Variants in ACR observed in about 807,000 individuals in gnomAD.
ACR encodes the protein acrosin light and heavy chain prepropeptide.
Under a neutral mutation model 26.0 loss-of-function variants are expected in ACR, and 17 were observed. The ratio of observed to expected loss-of-function variants is 0.65; its 90% CI spans 0.45 to 0.98. The LOEUF (loss-of-function observed/expected upper bound fraction) is 0.98, where lower values mean the gene tolerates loss of function less well. ACR is among the 50% of genes least tolerant of loss of function. ACR has a pLI of 0.00. For missense variants in ACR, 435 were observed against 519.3 expected (o/e 0.84, Z 1.58); for synonymous variants, 199 against 207.7 (o/e 0.96, Z 0.36).
At chr22:50,740,939 A>C (rs2083422432) in intron 3 of ACR, 1 of 509,934 alleles carries the variant, frequency 2.0e-6, no homozygotes, top group African/African-American at 1.9e-5. Context: ...TCCCAGAAGC[A>C]ACAGGTGACC....
chr22:50,739,745 G>A lies in ACR; in HGVS notation c.333G>A (p.Gly111=), dbSNP rs550289363. The change falls in exon 3 of 5, where the codon GGG becomes GGA. Residue 111 remains glycine (G), a synonymous_variant. Coordinates refer to ENST00000216139, the MANE Select transcript of ACR (RefSeq NM_001097.3). The surrounding 1 kb of genome is among the most constrained non-coding windows in gnomAD (Gnocchi z 5.5). ...LVFGAKEITY[G]NNKPVKAPLQ... is the part of the protein sequence containing the mutation. ...TCGGAGCAAAGGAAATTACATATGGGAACAATAAACCAGTAAAGGCGCCTC... is the reference window on the plus strand; with the variant it reads ...TCGGAGCAAAGGAAATTACATATGGAAACAATAAACCAGTAAAGGCGCCTC... The A allele has an allele frequency of 9.9e-5, 155 of 1,561,914 alleles. 1 individual carries two copies. In the South Asian group the frequency reaches 1.7e-3, roughly 17 times the overall value.
intron 3 of ACR, among the ~76,000 whole-genome samples, chr22:50,742,355 T>C (rs1603447629): frequency 6.6e-6 from 1 of 151,756 alleles, no homozygotes; most frequent in Non-Finnish European, 1.5e-5. Context: ...CCATCCTGGC[T>C]AACACGGTGA....
intron 3 of ACR, among the ~76,000 whole-genome samples, chr22:50,742,983 G>A (rs568766204): frequency 5.9e-5 from 9 of 152,224 alleles, no homozygotes; most frequent in Non-Finnish European, 1.2e-4. Context: ...TGGCGCATGC[G>A]CCGTAGCATC....
intron 3 of ACR, among the ~76,000 whole-genome samples, chr22:50,741,679 A>C (rs1255514133): frequency 6.6e-6 from 1 of 151,470 alleles, no homozygotes; most frequent in Non-Finnish European, 1.5e-5. Context: ...AGTCTTAAAG[A>C]AACCCCCAGG....
At chr22:50,740,782 A>C in intron 3 of ACR, 2 of 696,740 alleles carry the variant, frequency 2.9e-6, no homozygotes, top group Middle Eastern at 2.3e-4. Flanking sequence ...TGAGTTCTAG[A>C]AGAGTAGGGG....
intron 3 of ACR, among the ~76,000 whole-genome samples, chr22:50,742,450 A>G (rs6010069): frequency 0.19 from 29,255 of 150,958 alleles, 3,010 homozygotes; most frequent in African/African-American, 0.25. Context: ...AGGCTGAGGC[A>G]GGAGAATGGC....
intron 3 of ACR, among the ~76,000 whole-genome samples, chr22:50,742,933 G>A (rs2083431561): frequency 8.2e-6 from 1 of 121,452 alleles, no homozygotes; most frequent in South Asian, 2.5e-4. Context: ...TGCTGTTGGG[G>A]ACCCTTCTGT....
At chr22:50,742,773 A>T (rs938363830) in intron 3 of ACR, among the ~76,000 whole-genome samples, 10 of 152,212 alleles carry the variant, frequency 6.6e-5, no homozygotes, top group African/African-American at 2.4e-4. Context: ...TATGCACGTC[A>T]CTCGTGTGTC....
At chr22:50,738,667 C>T (rs1222278067) in intron 1 of ACR, among the ~76,000 whole-genome samples, 1 of 151,694 alleles carries the variant, frequency 6.6e-6, no homozygotes, top group Non-Finnish European at 1.5e-5. Flanking sequence ...CCGCTTGCAC[C>T]CCTACCCCCC....
At position 50,739,927 on chromosome 22, in the gene ACR, GA is replaced by G; in HGVS notation, c.516del (p.Gly173AlafsTer13). ...CCCCACTTTAAGGCAGGCCTCCCCAGAGGCTCCCAGAGCTGCTGGGTGGCCG... is the reference window on the plus strand; with the variant it reads ...CCCCACTTTAAGGCAGGCCTCCCCAGGGCTCCCAGAGCTGCTGGGTGGCCG... ...CLPHFKAGLP[R>X]GSQSCWVAGW... is the part of the protein sequence containing the mutation. On this transcript the variant is annotated frameshift_variant, in exon 3 of 5. Transcript: ENST00000216139. LOFTEE classifies it high-confidence loss of function. The surrounding 1 kb of genome is among the most constrained non-coding windows in gnomAD (Gnocchi z 5.5). 1 of 1,613,932 alleles carries G rather than the reference GA, an allele frequency of 6.2e-7. No homozygotes were observed. Among genetic ancestry groups the G allele is most frequent in the East Asian group, 2.2e-5 (1 of 44,888 alleles).
In ACR at chr22:50,744,068, G is replaced by A; in HGVS notation, c.573G>A (p.Arg191=). The change falls in exon 4 of 5, where the codon AGG becomes AGA. Residue 191 remains arginine (R), a synonymous_variant. Coordinates refer to ENST00000216139, the MANE Select transcript of ACR (RefSeq NM_001097.3). ...GWGYIEEKAP[R]PSSILMEARV... ...CGAGTGGTCTGACTATAGCCCCCAG[G>A]CCATCATCTATACTGATGGAGGCAC... The A allele has an allele frequency of 1.2e-6, 2 of 1,609,944 alleles. No homozygotes were observed. Among genetic ancestry groups the A allele is most frequent in the South Asian group, 2.2e-5 (2 of 91,002 alleles).
At position 50,744,732 on chromosome 22, in the gene ACR, T is replaced by C. The variant is rs774951543; in HGVS notation, c.791T>C (p.Val264Ala). 33 of 1,612,910 alleles carry C rather than the reference T, an allele frequency of 2.0e-5. No homozygotes were observed. In the South Asian group the frequency reaches 3.5e-4, roughly 17 times the overall value. The change falls in exon 5 of 5, where the codon GTA becomes GCA. Residue 264 changes from valine to alanine, a missense_variant. Physicochemically the swap from Val to Ala is moderately conservative, Grantham distance 64. Coordinates refer to ENST00000216139, the MANE Select transcript of ACR (RefSeq NM_001097.3). The part of the protein sequence containing the change: ...YVVVGITSWG[V>A]GCARAKRPGI... ...GTCGTGGGAATCACAAGCTGGGGGG[T>C]AGGCTGTGCCCGTGCCAAGCGCCCC...
chr22:50,744,150 G>A lies in ACR; in HGVS notation c.655G>A (p.Val219Ile), dbSNP rs147392791. 73 of 1,613,798 alleles carry A rather than the reference G, an allele frequency of 4.5e-5. No individual in the cohort carries two copies. The highest frequency in any genetic ancestry group is 6.7e-5 in the East Asian group (3 of 44,892). ...CTCGACCCAGTGGTACAATGGGCGCGTTCAGCCAACCAATGTGTGCGCGGG... is the reference window on the plus strand; with the variant it reads ...CTCGACCCAGTGGTACAATGGGCGCATTCAGCCAACCAATGTGTGCGCGGG... ...CNSTQWYNGR[V>I]QPTNVCAGYP... is the part of the protein sequence containing the mutation. The change falls in exon 4 of 5, where the codon GTT becomes ATT. Residue 219 changes from valine (V) to isoleucine (I), a missense_variant. Val to Ile is a conservative substitution (Grantham distance 29). Transcript: ENST00000216139.
At chr22:50,743,797 A>AC (rs1320220199) in intron 3 of ACR, among the ~76,000 whole-genome samples, 2 of 151,138 alleles carry the variant, frequency 1.3e-5, no homozygotes, top group African/African-American at 2.4e-5. Flanking sequence ...ACGCACACCC[A>AC]CCCCCCATCC....
chr22:50,740,012 C>G (rs750598701), intron 3 of ACR, 35 bp downstream of exon 3: 20 of 1,611,352 alleles, frequency 1.2e-5, no homozygotes, highest in Admixed American at 6.7e-5. Context: ...GGGGACGCTG[C>G]TGGCCATTCT....
In ACR at chr22:50,739,689, C is replaced by A. The variant is rs1238800900; in HGVS notation, c.282-5C>A. On this transcript the variant is annotated splice_region_variant and splice_polypyrimidine_tract_variant and intron_variant, in intron 2 of 4. Coordinates refer to ENST00000216139, the MANE Select transcript of ACR (RefSeq NM_001097.3). The surrounding 1 kb of genome is among the most constrained non-coding windows in gnomAD (Gnocchi z 5.5). ...TTGTGACCTGGCTTACCTTTGTGCC[C>A]ACAGTAATGTGCATGACTGGAGACT... 1 of 1,537,106 alleles carries A rather than the reference C, an allele frequency of 6.5e-7. No individual in the cohort carries two copies. The highest frequency in any genetic ancestry group is 2.3e-5 in the East Asian group (1 of 44,338).
intron 3 of ACR, among the ~76,000 whole-genome samples, chr22:50,742,465 A>G (rs1603447631): frequency 6.6e-6 from 1 of 150,430 alleles, no homozygotes; most frequent in Non-Finnish European, 1.5e-5. Context: ...AATGGCGTGA[A>G]CCCAGGAGGC....
Position 50,738,245 on chromosome 22 carries a change from ATGC to A in ACR, c.12_14del (p.Met4_Leu5delinsIle). ...AGGCAGTGCCAGGAGTATGGTTGAG[ATGC>A]TACCAACTGCCATTCTGCTGGTCTT... On this transcript the variant is annotated inframe_deletion, in exon 1 of 5. Transcript: ENST00000216139. 1 of 1,614,016 alleles carries A rather than the reference ATGC, an allele frequency of 6.2e-7. No homozygotes were observed.
At chr22:50,740,058 A>G in intron 3 of ACR, 81 bp downstream of exon 3, 1 of 1,574,258 alleles carries the variant, frequency 6.4e-7, no homozygotes, top group Non-Finnish European at 8.7e-7. Context: ...TCACTTGTTG[A>G]CACCCAGCCA....
Sources: gnomAD v4.1 joint callset for allele counts (sites outside exome capture counted in the v4.1 genomes callset) on GRCh38, gnomAD v4.1.1 for gene constraint, Gnocchi (gnomAD v3.1) non-coding constraint, MANE v1.5 for transcripts, NCBI Gene and HGNC (gene_info 2026-07-23, HGNC 2026-07-21) for gene names.